Variants in EEF1AKMT3 observed in about 807,000 individuals in gnomAD.
The protein encoded by EEF1AKMT3 is eEF1A-KMT3.
EEF1AKMT3 carries 17 observed loss-of-function variants against 17.8 expected under a neutral mutation model. The observed-to-expected ratio is 0.96, with a 90% CI of 0.65 to 1.43. The LOEUF (loss-of-function observed/expected upper bound fraction) is 1.43, where lower values mean the gene tolerates loss of function less well. Among genes scored for constraint, EEF1AKMT3 ranks in the 40% most tolerant of loss-of-function variants. The pLI, the probability that EEF1AKMT3 is intolerant of heterozygous loss-of-function variation, is 0.00. For missense variants in EEF1AKMT3, 244 were observed against 285.8 expected (o/e 0.85, Z 1.06); for synonymous variants, 116 against 126.5 (o/e 0.92, Z 0.56).
At chr12:57,774,207 G>C (rs1017835833) in intron 2 of EEF1AKMT3, among the ~76,000 whole-genome samples, 1 of 152,232 alleles carries the variant, frequency 6.6e-6, no homozygotes, top group Non-Finnish European at 1.5e-5. Flanking sequence ...CTAGCCGGGC[G>C]CAGTGGCTCA....
At chr12:57,775,073 C>G (rs1198416269) in intron 2 of EEF1AKMT3, among the ~76,000 whole-genome samples, 1 of 140,878 alleles carries the variant, frequency 7.1e-6, no homozygotes, top group African/African-American at 2.7e-5. Flanking sequence ...CCGTTGCACT[C>G]CAGCCTGAGC....
At chr12:57,779,649 T>C (rs1955500139) in intron 2 of EEF1AKMT3, among the ~76,000 whole-genome samples, 1 of 140,482 alleles carries the variant, frequency 7.1e-6, no homozygotes, top group Non-Finnish European at 1.6e-5. Flanking sequence ...GAGATGCTAA[T>C]CTGACCATCT....
In EEF1AKMT3 at chr12:57,780,607, C is replaced by T. The variant is rs1955507471; in HGVS notation, c.642C>T (p.Asn214=). 1 of 1,611,810 alleles carries T rather than the reference C, an allele frequency of 6.2e-7. No homozygotes were observed. Among genetic ancestry groups the T allele is most frequent in the Admixed American group, 1.7e-5 (1 of 60,008 alleles). The change falls in exon 3 of 3, where the codon AAC becomes AAT. Residue 214 remains asparagine, a synonymous_variant. Transcript: ENST00000300209. ...LAQRDEDENV[N]IYRARHREPR... ...AGCGGGATGAGGATGAAAATGTCAA[C>T]ATCTATAGGGCCAGGCACAGGGAAC...
At chr12:57,775,459 G>A (rs1040014456) in intron 2 of EEF1AKMT3, among the ~76,000 whole-genome samples, 4 of 148,534 alleles carry the variant, frequency 2.7e-5, no homozygotes, top group African/African-American at 9.9e-5. Context: ...TCGGCTCACC[G>A]CAACATCCGC....
Position 57,781,115 on chromosome 12 carries a change from G to GT in EEF1AKMT3, c.*470dup, listed in dbSNP as rs1955511531. 1 of 187,792 alleles carries GT rather than the reference G, an allele frequency of 5.3e-6. No homozygotes were observed. The allele number at this position is 187,792 out of a possible 1,614,324, so 11.6% of individuals were successfully genotyped here. The stretch of plus-strand genomic sequence containing the variant: ...ACTCTGTCATCCAGGCTGGAGTGCA[G>GT]TGGTGTGATCACAGCTCACTGCAGC... On this transcript the variant is annotated 3_prime_UTR_variant, in exon 3 of 3. Transcript: ENST00000300209.
chr12:57,773,497 C>T (rs1175066949), intron 2 of EEF1AKMT3, among the ~76,000 whole-genome samples: 1 of 152,058 alleles, frequency 6.6e-6, no homozygotes, highest in African/African-American at 2.4e-5. Context: ...CTGCTATCCC[C>T]ACTAACTGCA....
intron 2 of EEF1AKMT3, chr12:57,774,701 C>T (rs1300749269): frequency 7.4e-6 from 12 of 1,613,006 alleles, no homozygotes; most frequent in South Asian, 1.1e-5. Flanking sequence ...ATGCGTGGAG[C>T]CTGTGGACAT....
At chr12:57,778,484 G>A (rs1479018215) in intron 2 of EEF1AKMT3, among the ~76,000 whole-genome samples, 1 of 150,940 alleles carries the variant, frequency 6.6e-6, no homozygotes, top group Non-Finnish European at 1.5e-5. Flanking sequence ...ATTTTTTATA[G>A]AGACGAGGTT....
At position 57,780,325 on chromosome 12, in the gene EEF1AKMT3, G is replaced by A. The variant is rs748654304; in HGVS notation, c.360G>A (p.Val120=). ...EQIQGNVQAN[V]PAGGQAQVRA... Reference sequence around the variant, plus strand: ...TCCAGGGCAACGTCCAGGCCAATGTGCCAGCTGGAGGCCAGGCCCAGGTGC... The same window carrying A: ...TCCAGGGCAACGTCCAGGCCAATGTACCAGCTGGAGGCCAGGCCCAGGTGC... The change falls in exon 3 of 3, where the codon GTG becomes GTA. Residue 120 remains valine, a synonymous_variant. Transcript: ENST00000300209. 9 of 1,614,040 alleles carry A rather than the reference G, an allele frequency of 5.6e-6. No homozygotes were observed. Among genetic ancestry groups the A allele is most frequent in the Non-Finnish European group, 1.7e-6 (2 of 1,180,034 alleles).
intron 2 of EEF1AKMT3, among the ~76,000 whole-genome samples, chr12:57,777,353 A>G (rs1346139740): frequency 6.6e-6 from 1 of 152,196 alleles, no homozygotes; most frequent in Non-Finnish European, 1.5e-5. Flanking sequence ...ACAAAACTCA[A>G]AAGAGTTAAT....
chr12:57,778,393 G>A (rs1461844054), intron 2 of EEF1AKMT3, among the ~76,000 whole-genome samples: 5 of 146,690 alleles, frequency 3.4e-5, no homozygotes, highest in Admixed American at 7.2e-5. Flanking sequence ...TCAACCTCCC[G>A]AGGCTCAAGC....
Position 57,780,329 on chromosome 12 carries a change from G to T in EEF1AKMT3, c.364G>T (p.Ala122Ser), listed in dbSNP as rs1193796914. The T allele has an allele frequency of 6.2e-7, 1 of 1,614,196 alleles. No individual in the cohort carries two copies. The highest frequency in any genetic ancestry group is 1.1e-5 in the South Asian group (1 of 91,084). The change falls in exon 3 of 3, where the codon GCT (alanine) becomes TCT (serine). Residue 122 changes from alanine (A) to serine (S), a missense_variant. Ala to Ser is a moderately conservative substitution (Grantham distance 99). Transcript: ENST00000300209. ...IQGNVQANVP[A>S]GGQAQVRALS... ...GGGCAACGTCCAGGCCAATGTGCCA[G>T]CTGGAGGCCAGGCCCAGGTGCGTGC...
rs1293321399 is a variant in EEF1AKMT3 at position 57,773,029 on chromosome 12, T to C, written c.190T>C (p.Cys64Arg). 1.2e-6 allele frequency: 2 copies of C among 1,614,074 alleles called. No homozygotes were observed. Among genetic ancestry groups the C allele is most frequent in the Non-Finnish European group, 1.7e-6 (2 of 1,180,044 alleles). The change falls in exon 2 of 3, where the codon TGC (cysteine) becomes CGC (arginine). Residue 64 changes from cysteine (C) to arginine (R), a missense_variant. Cys to Arg is a radical substitution (Grantham distance 180). Transcript: ENST00000300209. ...ARVWDAALSL[C>R]NYFESQNVDF... ...TTTTCTCCCGTAGGCCCTGAGCCTGTGCAATTATTTCGAGAGTCAAAATGT... is the reference window on the plus strand; with the variant it reads ...TTTTCTCCCGTAGGCCCTGAGCCTGCGCAATTATTTCGAGAGTCAAAATGT...
chr12:57,772,649 C>A lies in EEF1AKMT3; in HGVS notation c.-76C>A. On this transcript the variant is annotated 5_prime_UTR_variant, in exon 1 of 3. Coordinates refer to ENST00000300209, the MANE Select transcript of EEF1AKMT3 (RefSeq NM_015433.3). The surrounding 1 kb of genome is among the most constrained non-coding windows in gnomAD (Gnocchi z 4.1). The stretch of plus-strand genomic sequence containing the variant: ...CAGGGACACCACGACGGCTCGCGGC[C>A]CCCAGCCTCTACCCCGCTCCGGATC... 6.8e-7 allele frequency: 1 copy of A among 1,473,240 alleles called. No individual in the cohort carries two copies. Among genetic ancestry groups the A allele is most frequent in the South Asian group, 1.3e-5 (1 of 74,592 alleles). The allele number at this position is 1,473,240 out of a possible 1,614,324, so 91.3% of individuals were successfully genotyped here. A position where few individuals can be genotyped will look rare whatever the true frequency, so the allele number is the denominator to read the frequency against.
chr12:57,778,307 T>TTTTTTTTTTTTTTTTTC (rs536788916), intron 2 of EEF1AKMT3, among the ~76,000 whole-genome samples: 17,257 of 103,000 alleles, frequency 0.17, 4,920 homozygotes, highest in East Asian at 0.47. Context: ...TTTTTTTTTT[T>TTTTTTTTTTTTTTTTTC]TGAGACAGGT....
At chr12:57,774,695 G>C (rs747514464) in intron 2 of EEF1AKMT3, 2 of 1,613,072 alleles carry the variant, frequency 1.2e-6, no homozygotes, top group South Asian at 2.2e-5. Context: ...CGAGGTATGC[G>C]TGGAGCCTGT....
At position 57,773,645 on chromosome 12, in the gene EEF1AKMT3, C is replaced by T. The variant is rs543214603; in HGVS notation, c.289+517C>T. On this transcript the variant is annotated intron_variant, in intron 2 of 2. Transcript: ENST00000300209. ...TTCACCATGTTGGCCAGGCTGGTCT[C>T]GAACTCCTGACCTCAGGTGATCCAT... Among the ~76,000 whole-genome samples, 66 of 152,240 alleles carry T rather than the reference C, an allele frequency of 4.3e-4. 1 individual carries two copies. The highest frequency in any genetic ancestry group is 1.6e-3 in the Admixed American group (24 of 15,290).
In EEF1AKMT3 at chr12:57,782,076, G is replaced by C. The variant is rs1955520126; in HGVS notation, c.*1430G>C. ...CTCTAAAACCACACTAAAGTTTTCT[G>C]ACTTCTTTCACACTCTTTATGATAA... is the stretch of plus-strand genomic sequence containing the variant. On this transcript the variant is annotated 3_prime_UTR_variant, in exon 3 of 3. Coordinates refer to ENST00000300209, the MANE Select transcript of EEF1AKMT3 (RefSeq NM_015433.3). The C allele has an allele frequency of 6.6e-6, 1 of 152,164 alleles. No individual in the cohort carries two copies. The highest frequency in any genetic ancestry group is 1.5e-5 in the Non-Finnish European group (1 of 68,024). The allele number at this position is 152,164 out of a possible 1,614,324, so 9.4% of individuals were successfully genotyped here.
intron 2 of EEF1AKMT3, chr12:57,774,701 C>G (rs1300749269): frequency 6.2e-7 from 1 of 1,613,124 alleles, no homozygotes; most frequent in East Asian, 2.2e-5. Flanking sequence ...ATGCGTGGAG[C>G]CTGTGGACAT....
Sources: allele counts gnomAD v4.1 joint callset (sites outside exome capture counted in the v4.1 genomes callset), GRCh38; gene constraint gnomAD v4.1.1; non-coding constraint Gnocchi (gnomAD v3.1); transcripts MANE v1.5; gene names NCBI Gene and HGNC (gene_info 2026-07-23, HGNC 2026-07-21).